The following CACNA1E variants were observed in gnomAD, a reference collection of about 807,000 sequenced individuals.
CACNA1E encodes calcium voltage-gated channel subunit alpha1 E, also known as voltage-dependent R-type calcium channel subunit alpha-1E.
CACNA1E carries 40 observed loss-of-function variants against 259.2 expected under a neutral mutation model. That is an observed-to-expected ratio of 0.15 (90% CI 0.12 to 0.20). CACNA1E has a LOEUF of 0.20. Ranked by LOEUF, CACNA1E falls within the 10% of genes least tolerant of loss-of-function variation. The probability of loss-of-function intolerance (pLI) is 1.00; values close to 1 mark genes in which losing one functional copy is unlikely to be tolerated. For missense variants in CACNA1E, 1,874 were observed against 3,040.1 expected, an observed-to-expected ratio of 0.62 and a Z score of 9.02; for synonymous variants, 1,104 against 1,138.5, an observed-to-expected ratio of 0.97 and a Z score of 0.61.
chr1:181,424,875 G>A (rs1659043897), intron 2 of CACNA1E, among the ~76,000 whole-genome samples: 1 of 152,020 alleles, frequency 6.6e-6, no homozygotes, highest in Non-Finnish European at 1.5e-5. Context: ...TCCCTGTTTG[G>A]AGGCTCAGGT....
chr1:181,505,684 T>C (rs1198557550), intron 1 of CACNA1E, among the ~76,000 whole-genome samples: 2 of 152,154 alleles, frequency 1.3e-5, no homozygotes, highest in East Asian at 3.8e-4. Context: ...TTCTCTTTTT[T>C]TTTTTAAACA....
chr1:181,617,548 G>T (rs10489640), intron 6 of CACNA1E, among the ~76,000 whole-genome samples: 1 of 152,092 alleles, frequency 6.6e-6, no homozygotes, highest in Admixed American at 6.6e-5. Context: ...GATTTAGCCA[G>T]TCTTCATGCT....
At chr1:181,574,203 C>G (rs1029108560) in intron 3 of CACNA1E, among the ~76,000 whole-genome samples, 2 of 152,132 alleles carry the variant, frequency 1.3e-5, no homozygotes, top group Admixed American at 6.6e-5. Context: ...ACCTAGGTCA[C>G]GGGTTGATAG....
At chr1:181,757,886 A>G in intron 30 of CACNA1E, 61 bp from the exon 31 acceptor site, 1 of 1,564,186 alleles carries the variant, frequency 6.4e-7, no homozygotes. Flanking sequence ...CATGGAACAG[A>G]GCCTGCCATG....
At chr1:181,379,947 G>A (rs943146896) in intron 1 of CACNA1E, among the ~76,000 whole-genome samples, 3 of 148,784 alleles carry the variant, frequency 2.0e-5, no homozygotes, top group Middle Eastern at 3.5e-3. Context: ...AAAGTAGTGG[G>A]AAGGTAGACT....
intron 3 of CACNA1E, among the ~76,000 whole-genome samples, chr1:181,517,415 G>A (rs543458152): frequency 6.6e-6 from 1 of 152,164 alleles, no homozygotes; most frequent in Non-Finnish European, 1.5e-5. Flanking sequence ...AGAGGGCAGT[G>A]GGGAGCCACG....
At chr1:181,483,194 T>TCGTAAC (rs1663444026), upstream of CACNA1E, 1 of 152,006 alleles carries the variant, frequency 6.6e-6, no homozygotes, top group South Asian at 2.1e-4. Flanking sequence ...AAGCATGTCA[T>TCGTAAC]CGTAACCCCG....
At chr1:181,493,698 G>A (rs772091355) in intron 1 of CACNA1E, among the ~76,000 whole-genome samples, 4 of 152,208 alleles carry the variant, frequency 2.6e-5, no homozygotes, top group South Asian at 2.1e-4. Flanking sequence ...TGGCTAATGC[G>A]ACTGAGAACT....
In CACNA1E at chr1:181,463,683, T is replaced by C. The variant is rs531014661; in HGVS notation, c.435-20061T>C. Among the ~76,000 whole-genome samples, 27 of 152,282 alleles carry C rather than the reference T, an allele frequency of 1.8e-4. No homozygotes were observed. In the South Asian group the frequency reaches 5.6e-3, roughly 32 times the overall value. ...GGTAGTATGTGTTTTTCTTATGATT[T>C]CTGAGAATCTTGTATATGTTCTAGA... On this transcript the variant is annotated intron_variant, in intron 2 of 11. Coordinates refer to the CACNA1E transcript ENST00000524607.
At chr1:181,514,918 CT>C (rs1327235863) in intron 3 of CACNA1E, among the ~76,000 whole-genome samples, 2 of 152,286 alleles carry the variant, frequency 1.3e-5, no homozygotes, top group Non-Finnish European at 2.9e-5. Flanking sequence ...ATTGCTTCAT[CT>C]TGTCCTCATA....
At chr1:181,429,893 T>C (rs1052820920) in intron 2 of CACNA1E, among the ~76,000 whole-genome samples, 3 of 152,224 alleles carry the variant, frequency 2.0e-5, no homozygotes, top group African/African-American at 7.2e-5. Context: ...TTCAGGTGAT[T>C]GATTAGTTTA....
At chr1:181,544,409 A>AT (rs1647237643) in intron 3 of CACNA1E, among the ~76,000 whole-genome samples, 1 of 152,000 alleles carries the variant, frequency 6.6e-6, no homozygotes, top group Non-Finnish European at 1.5e-5. Flanking sequence ...CTAAAAAAAA[A>AT]AACCCCACTG....
chr1:181,756,197 C>A, intron 29 of CACNA1E, 104 bp downstream of exon 29: 3 of 1,161,920 alleles, frequency 2.6e-6, no homozygotes, highest in Non-Finnish European at 3.5e-6. Context: ...GTTATTGTAT[C>A]AGGGAAAGTA....
At chr1:181,677,038 T>C (rs755497290) in intron 7 of CACNA1E, among the ~76,000 whole-genome samples, 1 of 152,134 alleles carries the variant, frequency 6.6e-6, no homozygotes, top group Non-Finnish European at 1.5e-5. Context: ...CTTCCTCCTC[T>C]TTAGAACTGG....
intron 1 of CACNA1E, among the ~76,000 whole-genome samples, chr1:181,374,050 G>A (rs1171058724): frequency 6.6e-6 from 1 of 151,948 alleles, no homozygotes; most frequent in Non-Finnish European, 1.5e-5. Context: ...CTGTCTTTGG[G>A]GTTGGTTTGC....
At chr1:181,754,103 G>A (rs1240421787) in intron 27 of CACNA1E, among the ~76,000 whole-genome samples, 1 of 152,232 alleles carries the variant, frequency 6.6e-6, no homozygotes. Flanking sequence ...CTTGGGCCCT[G>A]ACCCTTATCA....
intron 8 of CACNA1E, among the ~76,000 whole-genome samples, chr1:181,714,819 C>G (rs1653740062): frequency 6.6e-6 from 1 of 152,230 alleles, no homozygotes. Context: ...AAGCCCCCCT[C>G]CTGTCTCCAA....
intron 7 of CACNA1E, among the ~76,000 whole-genome samples, chr1:181,709,805 T>C (rs1653158189): frequency 6.6e-6 from 1 of 152,134 alleles, no homozygotes; most frequent in African/African-American, 2.4e-5. Flanking sequence ...CAGCTCTTTA[T>C]GGGGATCACA....
At chr1:181,524,799 G>A (rs772725448) in intron 3 of CACNA1E, among the ~76,000 whole-genome samples, 29 of 152,254 alleles carry the variant, frequency 1.9e-4, no homozygotes, top group Admixed American at 4.6e-4. Context: ...AGTTGCAGGT[G>A]AGACTGGGAG....
Sources: gnomAD v4.1 joint callset for allele counts (sites outside exome capture counted in the v4.1 genomes callset) on GRCh38, gnomAD v4.1.1 for gene constraint, MANE v1.5 for transcripts, NCBI Gene and HGNC (gene_info 2026-07-23, HGNC 2026-07-21) for gene names.